Variants in PRPF6 observed in about 807,000 individuals in gnomAD.
PRPF6 encodes pre-mRNA processing factor 6, also known as pre-mRNA-processing factor 6.
In PRPF6, 42 loss-of-function variants were observed where a neutral mutation model predicts 118.3. That is an observed-to-expected ratio of 0.35 (90% confidence interval 0.28 to 0.46). The LOEUF is 0.46. Ranked by LOEUF, PRPF6 falls within the 20% of genes least tolerant of loss-of-function variation. The probability of loss-of-function intolerance (pLI) is 1.00; values close to 1 mark genes in which losing one functional copy is unlikely to be tolerated. For missense variants in PRPF6, 662 were observed against 1,255.7 expected (o/e 0.53, Z 7.15); for synonymous variants, 481 against 485.1 (o/e 0.99, Z 0.11).
chr20:64,016,842 C>T lies in PRPF6; in HGVS notation c.1644C>T (p.Asp548=). The change falls in exon 12 of 21, where the codon GAC becomes GAT. Residue 548 remains aspartate, a synonymous_variant. Transcript: ENST00000266079. ...DRKHTWMEDA[D]SCVAHNALEC... ...AGCATACCTGGATGGAGGATGCTGA[C>T]AGTGTGAGTTGGCAACAGGGGCCTT... 6.8e-6 allele frequency: 11 copies of T among 1,613,992 alleles called. No individual in the cohort carries two copies. Among genetic ancestry groups the T allele is most frequent in the Non-Finnish European group, 9.3e-6 (11 of 1,179,994 alleles).
intron 13 of PRPF6, among the ~76,000 whole-genome samples, chr20:64,023,778 G>A (rs2059276259): frequency 6.6e-6 from 1 of 152,194 alleles, no homozygotes; most frequent in Non-Finnish European, 1.5e-5. Flanking sequence ...GCCAGGTGTA[G>A]GCTGAGGTCT....
rs1297088396 is a variant in PRPF6 at position 64,021,690 on chromosome 20, G to A, written c.1648-1067G>A. ...CAGCCCCGTGTCTGTGTGTGCGTGTGTGTGCACGTATGCATATGCCTCAGC... is the reference window on the plus strand; with the variant it reads ...CAGCCCCGTGTCTGTGTGTGCGTGTATGTGCACGTATGCATATGCCTCAGC... On this transcript the variant is annotated intron_variant, in intron 12 of 20. Transcript: ENST00000266079. 3.3e-5 allele frequency among the ~76,000 whole-genome samples: 5 copies of A among 150,760 alleles called. No individual in the cohort carries two copies. In the East Asian group the frequency reaches 9.8e-4, roughly 29 times the overall value.
intron 3 of PRPF6, among the ~76,000 whole-genome samples, chr20:63,988,046 G>A (rs2059102442): frequency 1.3e-5 from 2 of 151,458 alleles, no homozygotes; most frequent in African/African-American, 2.4e-5. Context: ...GTTGCCAGGC[G>A]CTGGGACTCA....
intron 14 of PRPF6, among the ~76,000 whole-genome samples, chr20:64,025,420 G>A (rs1410146046): frequency 6.6e-6 from 1 of 152,238 alleles, no homozygotes; most frequent in Admixed American, 6.5e-5. Flanking sequence ...GAGCCTGCGT[G>A]TCCACTGGGC....
At chr20:64,020,813 G>T (rs2059259297) in intron 12 of PRPF6, among the ~76,000 whole-genome samples, 1 of 146,774 alleles carries the variant, frequency 6.8e-6, no homozygotes, top group Non-Finnish European at 1.5e-5. Flanking sequence ...TTGAGACAAG[G>T]TCTCTCTCTG....
At chr20:64,001,307 C>T in intron 9 of PRPF6, 68 bp downstream of exon 9, 3 of 1,558,624 alleles carry the variant, frequency 1.9e-6, no homozygotes, top group East Asian at 4.5e-5. Context: ...CTTTCCTGCT[C>T]CTGGCTCAGG....
intron 3 of PRPF6, among the ~76,000 whole-genome samples, chr20:63,985,960 T>C (rs531739502): frequency 8.2e-4 from 125 of 151,950 alleles, no homozygotes; most frequent in African/African-American, 2.9e-3. Context: ...AAAAAGAAAA[T>C]GTTAGGTCAG....
In PRPF6 at chr20:64,031,933, G is replaced by A. The variant is rs2059316501; in HGVS notation, c.2562G>A (p.Gln854=). ...LLAVAKLFWS[Q]RKITKAREWF... ...GCTGGAACAGGCTGTTTTGGAGTCA[G>A]CGGAAGATCACCAAGGCCAGGGAGT... Residue 854 remains glutamine (Q), a synonymous_variant, in exon 20 of 21, where the codon CAG becomes CAA. Transcript: ENST00000266079. The A allele has an allele frequency of 6.2e-7, 1 of 1,614,180 alleles. No homozygotes were observed. The highest frequency in any genetic ancestry group is 8.5e-7 in the Non-Finnish European group (1 of 1,180,026).
chr20:64,029,687 TCA>T lies in PRPF6; in HGVS notation c.2546+197_2546+198del, dbSNP rs2059306467. 8.9e-6 allele frequency among the ~76,000 whole-genome samples: 1 copy of T among 112,634 alleles called. No individual in the cohort carries two copies. The highest frequency in any genetic ancestry group is 2.7e-5 in the African/African-American group (1 of 37,264). 73.9% of individuals were successfully genotyped at this position (112,634 alleles called of 152,430 possible). ...GCAGACACACCTGAGGGTGCCGTGG[TCA>T]GAGACTCACTGGGGACGCATGTGAT... is the stretch of plus-strand genomic sequence containing the variant. On this transcript the variant is annotated intron_variant, in intron 19 of 20. Transcript: ENST00000266079. This position sits in a 1 kb window ranked among gnomAD's most constrained non-coding sequence, Gnocchi z 4.8.
intron 11 of PRPF6, among the ~76,000 whole-genome samples, chr20:64,015,103 T>C (rs2059231215): frequency 6.6e-6 from 1 of 152,236 alleles, no homozygotes; most frequent in South Asian, 2.1e-4. Flanking sequence ...TTGTAAGAGA[T>C]GTTTTTATAT....
At position 64,022,649 on chromosome 20, in the gene PRPF6, T is replaced by C. The variant is rs2059271681; in HGVS notation, c.1648-108T>C. 2.6e-6 allele frequency: 4 copies of C among 1,521,018 alleles called. No homozygotes were observed. In the South Asian group the frequency reaches 4.5e-5, roughly 17 times the overall value. The allele number at this position is 1,521,018 out of a possible 1,614,324, so 94.2% of individuals were successfully genotyped here. A position where few individuals can be genotyped will look rare whatever the true frequency, so the allele number is the denominator to read the frequency against. On this transcript the variant is annotated intron_variant, in intron 12 of 20. Transcript: ENST00000266079. Reference sequence around the variant, plus strand: ...TTAGATAAAACACTGTGGTACACCTTCTAGCAGATATCATCTTTCAGAATC... The same window carrying C: ...TTAGATAAAACACTGTGGTACACCTCCTAGCAGATATCATCTTTCAGAATC...
At position 64,011,189 on chromosome 20, in the gene PRPF6, C is replaced by G; in HGVS notation, c.1306-96C>G. The G allele has an allele frequency of 9.2e-7, 1 of 1,083,824 alleles. No homozygotes were observed. The highest frequency in any genetic ancestry group is 1.4e-6 in the Non-Finnish European group (1 of 720,812). The allele number at this position is 1,083,824 out of a possible 1,614,324, so 67.1% of individuals were successfully genotyped here. Reference sequence around the variant, plus strand: ...ATGGTTCTCGAGAGCTAAGAAAGAACGTGGTGGCCAACGCTGGAGGGTGGG... The same window carrying G: ...ATGGTTCTCGAGAGCTAAGAAAGAAGGTGGTGGCCAACGCTGGAGGGTGGG... On this transcript the variant is annotated intron_variant, in intron 10 of 20. Coordinates refer to ENST00000266079, the MANE Select transcript of PRPF6 (RefSeq NM_012469.4). The surrounding 1 kb of genome is among the most constrained non-coding windows in gnomAD (Gnocchi z 6.7).
At chr20:64,016,937 C>G in intron 12 of PRPF6, 92 bp downstream of exon 12, 1 of 1,489,366 alleles carries the variant, frequency 6.7e-7, no homozygotes. Context: ...TATTTTAAAA[C>G]TCTTTTTTTT....
Position 63,995,380 on chromosome 20 carries a change from A to G in PRPF6, c.669A>G (p.Pro223=), listed in dbSNP as rs2059136858. 1 of 1,614,114 alleles carries G rather than the reference A, an allele frequency of 6.2e-7. No homozygotes were observed. The highest frequency in any genetic ancestry group is 1.3e-5 in the African/African-American group (1 of 75,030). The change falls in exon 6 of 21, where the codon CCA becomes CCG. Residue 223 remains proline (P), a synonymous_variant. Transcript: ENST00000266079. ...CAGGTGGACTAAACACTCCATACCC[A>G]GGTGGAATGACGCCAGGACTGATGA... The part of the protein sequence containing the change: ...PYPGGLNTPY[P]GGMTPGLMTP...
rs1193946660 is a variant in PRPF6, at chr20:64,029,767, T to C, written c.2546+276T>C. ...ACAGACTCACTGGGGACGCGTGTGA[T>C]TCACACTGGTGCGCTGGCCGCCAGG... On this transcript the variant is annotated intron_variant, in intron 19 of 20. Transcript: ENST00000266079. The surrounding 1 kb of genome is among the most constrained non-coding windows in gnomAD (Gnocchi z 4.8). 4.6e-5 allele frequency among the ~76,000 whole-genome samples: 5 copies of C among 109,710 alleles called. No individual in the cohort carries two copies. The highest frequency in any genetic ancestry group is 8.2e-5 in the Non-Finnish European group (4 of 49,054). 72.0% of individuals were successfully genotyped at this position (109,710 alleles called of 152,430 possible).
At chr20:64,024,835 G>A in intron 14 of PRPF6, 142 bp downstream of exon 14, 1 of 1,304,450 alleles carries the variant, frequency 7.7e-7, no homozygotes, top group South Asian at 1.4e-5. Flanking sequence ...CTGCTCCACA[G>A]GAGCAGGGGC....
intron 9 of PRPF6, among the ~76,000 whole-genome samples, chr20:64,006,516 T>G (rs185063591): frequency 6.6e-6 from 1 of 152,048 alleles, no homozygotes; most frequent in East Asian, 1.9e-4. Flanking sequence ...GGGGTTTGGT[T>G]TCACTGTGTT....
rs199727901 is a variant in PRPF6 at position 64,007,464 on chromosome 20, C to CT, written c.1187-2722dup. ...CCCTCCCCTGCCCTGCCCTTTTCCTCTTTTTTTTTTTTTTGAGACTGAGTC... is the reference window on the plus strand; with the variant it reads ...CCCTCCCCTGCCCTGCCCTTTTCCTCTTTTTTTTTTTTTTTGAGACTGAGTC... On this transcript the variant is annotated intron_variant, in intron 9 of 20. Transcript: ENST00000266079. Among the ~76,000 whole-genome samples the CT allele has an allele frequency of 5.6e-3, 692 of 124,602 alleles. 8 individuals are homozygous for CT. Among genetic ancestry groups the CT allele is most frequent in the African/African-American group, 0.017 (565 of 33,108 alleles). The allele number at this position is 124,602 out of a possible 152,430, so 81.7% of individuals were successfully genotyped here. A position where few individuals can be genotyped will look rare whatever the true frequency, so the allele number is the denominator to read the frequency against.
At chr20:63,983,239 G>A in intron 2 of PRPF6, 24 bp downstream of exon 2, 1 of 1,613,860 alleles carries the variant, frequency 6.2e-7, no homozygotes. Context: ...GGCTTTCGTG[G>A]CTCCTCCAGC....
Sources: allele counts gnomAD v4.1 joint callset (sites outside exome capture counted in the v4.1 genomes callset), GRCh38; gene constraint gnomAD v4.1.1; non-coding constraint Gnocchi (gnomAD v3.1); transcripts MANE v1.5; gene names NCBI Gene and HGNC (gene_info 2026-07-23, HGNC 2026-07-21).